MACROD1: variants seen among roughly 807,000 people sequenced by gnomAD.
The protein encoded by MACROD1 is mono-ADP ribosylhydrolase 1, also known as ADP-ribose glycohydrolase MACROD1.
A neutral mutation model predicts 41.4 loss-of-function variants in MACROD1; 31 were observed. That is an observed-to-expected ratio of 0.75 (90% CI 0.56 to 1.01). The LOEUF is 1.01. MACROD1 is among the 50% of genes least tolerant of loss of function. The pLI is 0.00. For missense variants in MACROD1, 473 were observed against 460.0 expected (o/e 1.03, Z -0.26); for synonymous variants, 252 against 203.4 (o/e 1.24, Z -2.03).
chr11:64,010,538 C>T (rs1338567734), intron 4 of MACROD1, among the ~76,000 whole-genome samples: 3 of 122,736 alleles, frequency 2.4e-5, no homozygotes, highest in Admixed American at 8.6e-5. Context: ...CGTTGGCTGG[C>T]ATGTTGGTTG....
intron 3 of MACROD1, among the ~76,000 whole-genome samples, chr11:64,103,015 G>A (rs1944697003): frequency 6.6e-6 from 1 of 151,774 alleles, no homozygotes; most frequent in African/African-American, 2.4e-5. Flanking sequence ...AGGTCGCAGT[G>A]AGCCGAGATT....
At chr11:64,144,320 C>T (rs1429669784) in intron 3 of MACROD1, among the ~76,000 whole-genome samples, 1 of 152,220 alleles carries the variant, frequency 6.6e-6, no homozygotes, top group African/African-American at 2.4e-5. Context: ...GTTCCTTTTC[C>T]ATTCACATGT....
chr11:64,012,589 C>T (rs887828587), intron 4 of MACROD1, among the ~76,000 whole-genome samples: 4 of 151,966 alleles, frequency 2.6e-5, no homozygotes, highest in South Asian at 2.1e-4. Flanking sequence ...TTAGTAGAGA[C>T]GGGGCTTCAC....
chr11:64,159,115 T>C (rs1481410067), intron 1 of MACROD1, among the ~76,000 whole-genome samples: 4 of 151,200 alleles, frequency 2.6e-5, no homozygotes, highest in African/African-American at 9.7e-5. Flanking sequence ...AGGTCAGGAG[T>C]TCGAGACCAG....
At chr11:64,054,912 C>T (rs968923230) in intron 3 of MACROD1, among the ~76,000 whole-genome samples, 1 of 152,116 alleles carries the variant, frequency 6.6e-6, no homozygotes, top group African/African-American at 2.4e-5. Context: ...GTCTTGGTGA[C>T]CGCCCTCTTT....
chr11:64,155,637 A>G (rs1945655770), intron 1 of MACROD1, among the ~76,000 whole-genome samples: 1 of 152,226 alleles, frequency 6.6e-6, no homozygotes, highest in South Asian at 2.1e-4. Context: ...AGCAAACAGG[A>G]CAAAATTGTG....
At chr11:64,016,415 T>C (rs1198122075) in intron 3 of MACROD1, among the ~76,000 whole-genome samples, 1 of 152,258 alleles carries the variant, frequency 6.6e-6, no homozygotes, top group African/African-American at 2.4e-5. Flanking sequence ...CGAGGAGTCC[T>C]GGCTCCCAGA....
At chr11:64,000,640 C>T (rs1032811636) in intron 4 of MACROD1, among the ~76,000 whole-genome samples, 3 of 152,082 alleles carry the variant, frequency 2.0e-5, no homozygotes, top group South Asian at 2.1e-4. Flanking sequence ...AGGGCCCAGG[C>T]AGGGCGGCTC....
intron 3 of MACROD1, among the ~76,000 whole-genome samples, chr11:64,015,759 A>G (rs1317964822): frequency 6.6e-6 from 1 of 151,994 alleles, no homozygotes; most frequent in African/African-American, 2.4e-5. Flanking sequence ...CAACCGGGCT[A>G]AGCGCTGCCC....
intron 3 of MACROD1, among the ~76,000 whole-genome samples, chr11:64,114,543 TGATGCATG>T (rs1944938354): frequency 1.2e-5 from 1 of 85,826 alleles, no homozygotes; most frequent in Non-Finnish European, 2.9e-5. Context: ...ATGTATGGAT[TGATGCATG>T]GATGGATGGA....
intron 3 of MACROD1, among the ~76,000 whole-genome samples, chr11:64,057,861 C>T (rs1054276085): frequency 2.0e-5 from 3 of 152,198 alleles, no homozygotes; most frequent in African/African-American, 4.8e-5. Flanking sequence ...TTGTGGAAAC[C>T]GAGGCACGAA....
chr11:64,112,026 T>C (rs1022379536), intron 3 of MACROD1, among the ~76,000 whole-genome samples: 1 of 152,148 alleles, frequency 6.6e-6, no homozygotes, highest in African/African-American at 2.4e-5. Flanking sequence ...TGGGGTGGAA[T>C]CCAGACCCCA....
At position 64,110,802 on chromosome 11, in the gene MACROD1, A is replaced by G. The variant is rs554608657; in HGVS notation, c.517+40437T>C. Among the ~76,000 whole-genome samples the G allele has an allele frequency of 3.3e-5, 5 of 152,350 alleles. No individual in the cohort carries two copies. The East Asian group carries it at 9.7e-4, about 30-fold the overall frequency. On this transcript the variant is annotated intron_variant, in intron 3 of 10. Transcript: ENST00000255681. ...TTACCAGGTTTAATTTGATGGCCACATAAACTATGAAACACACAACAAGGG... is the reference window on the plus strand; with the variant it reads ...TTACCAGGTTTAATTTGATGGCCACGTAAACTATGAAACACACAACAAGGG...
chr11:64,065,604 AC>A (rs1185321173), intron 3 of MACROD1, among the ~76,000 whole-genome samples: 1 of 144,646 alleles, frequency 6.9e-6, no homozygotes, highest in South Asian at 2.3e-4. Context: ...CCTGGCTAAC[AC>A]GGTGAAACCC....
chr11:64,037,187 C>G (rs1296629586), intron 3 of MACROD1, among the ~76,000 whole-genome samples: 1 of 152,198 alleles, frequency 6.6e-6, no homozygotes, highest in Non-Finnish European at 1.5e-5. Context: ...ACCGCGGCCC[C>G]TACGCCCTCG....
chr11:64,080,205 G>T (rs1003970457), intron 3 of MACROD1, among the ~76,000 whole-genome samples: 4 of 152,064 alleles, frequency 2.6e-5, no homozygotes, highest in African/African-American at 9.7e-5. Flanking sequence ...TAGAGACGGG[G>T]TATCAACATG....
At chr11:64,057,622 C>A (rs1943813676) in intron 3 of MACROD1, among the ~76,000 whole-genome samples, 1 of 152,204 alleles carries the variant, frequency 6.6e-6, no homozygotes, top group South Asian at 2.1e-4. Flanking sequence ...CACCCAAGGG[C>A]CTGGACCCCT....
intron 3 of MACROD1, among the ~76,000 whole-genome samples, chr11:64,142,647 C>T (rs985972523): frequency 1.3e-5 from 2 of 152,216 alleles, no homozygotes; most frequent in African/African-American, 4.8e-5. Flanking sequence ...ACTGCCCGAT[C>T]TTGTGGGGAT....
chr11:64,035,833 T>TCGC (rs1225870437), intron 3 of MACROD1: 14 of 138,494 alleles, frequency 1.0e-4, no homozygotes, highest in African/African-American at 3.7e-4. Flanking sequence ...CGCGCCCTGC[T>TCGC]CGCCGCCGCC....
Sources: allele counts gnomAD v4.1 joint callset (sites outside exome capture counted in the v4.1 genomes callset), GRCh38; gene constraint gnomAD v4.1.1; transcripts MANE v1.5; gene names NCBI Gene and HGNC (gene_info 2026-07-23, HGNC 2026-07-21).